Variants in PTPRA observed in about 807,000 individuals in gnomAD.
PTPRA encodes the protein receptor-type tyrosine-protein phosphatase alpha.
In PTPRA, 25 loss-of-function variants were observed where a neutral mutation model predicts 104.8. The ratio of observed to expected loss-of-function variants is 0.24; its 90% CI spans 0.17 to 0.33. The LOEUF is 0.33. PTPRA is among the 10% of genes least tolerant of loss of function. The pLI is 1.00. For synonymous variants in PTPRA, 323 were observed against 368.9 expected (o/e 0.88, Z 1.43); for missense variants, 765 against 1,015.3 (o/e 0.75, Z 3.35).
intron 2 of PTPRA, among the ~76,000 whole-genome samples, chr20:2,940,074 C>T (rs529049066): frequency 3.7e-4 from 57 of 152,310 alleles, no homozygotes; most frequent in South Asian, 6.2e-4. Context: ...CGCGCCACTG[C>T]GCTCCAGCCT....
At chr20:2,985,379 G>A (rs550832325) in intron 6 of PTPRA, among the ~76,000 whole-genome samples, 1 of 152,342 alleles carries the variant, frequency 6.6e-6, no homozygotes, top group East Asian at 1.9e-4. Flanking sequence ...ATGAGGTCAA[G>A]AAGACAAGTC....
At chr20:2,951,441 A>G (rs981314118) in intron 3 of PTPRA, among the ~76,000 whole-genome samples, 2 of 152,178 alleles carry the variant, frequency 1.3e-5, no homozygotes, top group Non-Finnish European at 2.9e-5. Flanking sequence ...GCCAATTCCT[A>G]GAGACAGTGA....
chr20:3,017,898 G>A lies in PTPRA; in HGVS notation c.1026G>A (p.Leu342=). The change falls in exon 13 of 24, where the codon CTG becomes CTA. Residue 342 remains leucine, a synonymous_variant. Transcript: ENST00000399903. Reference sequence around the variant, plus strand: ...CCACCATCGTCATGGTTACCAACCTGAAGGAGAGAAAGGAGGTAAGTGGAA... The same window carrying A: ...CCACCATCGTCATGGTTACCAACCTAAAGGAGAGAAAGGAGGTAAGTGGAA... The part of the protein sequence containing the change: ...NTATIVMVTN[L]KERKECKCAQ... 4.3e-6 allele frequency: 7 copies of A among 1,614,060 alleles called. No homozygotes were observed. The highest frequency in any genetic ancestry group is 5.9e-6 in the Non-Finnish European group (7 of 1,179,920).
At chr20:3,024,271 C>T (rs1568704249) in intron 16 of PTPRA, among the ~76,000 whole-genome samples, 1 of 152,172 alleles carries the variant, frequency 6.6e-6, no homozygotes, top group Admixed American at 6.5e-5. Context: ...CTGGACCCTT[C>T]TTCCCAAGTA....
intron 3 of PTPRA, among the ~76,000 whole-genome samples, chr20:2,962,908 G>A (rs6084221): frequency 1.3e-5 from 2 of 152,082 alleles, no homozygotes; most frequent in Admixed American, 1.3e-4. Flanking sequence ...TGTCCCTTAA[G>A]GATGTGTGTC....
chr20:3,036,422 TC>T (rs1383363098), intron 22 of PTPRA, among the ~76,000 whole-genome samples: 8 of 152,248 alleles, frequency 5.3e-5, no homozygotes, highest in African/African-American at 1.7e-4. Context: ...CCCAATATGT[TC>T]TGAGGGGTCC....
At chr20:2,966,605 T>G (rs1440265662) in intron 5 of PTPRA, among the ~76,000 whole-genome samples, 1 of 152,236 alleles carries the variant, frequency 6.6e-6, no homozygotes, top group Admixed American at 6.5e-5. Context: ...TTAGAGTTAA[T>G]GTAGTTTTGT....
the PTPRA span, chr20:2,866,607 TCCTC>T: frequency 6.2e-7 from 1 of 1,610,978 alleles, no homozygotes; most frequent in African/African-American, 1.3e-5. Context: ...AGCAAGGGGT[TCCTC>T]CCCTAGCACC....
Position 3,021,108 on chromosome 20 carries a change from C to T in PTPRA, c.1042-201C>T, listed in dbSNP as rs538674467. Among the ~76,000 whole-genome samples, 83 of 152,280 alleles carry T rather than the reference C, an allele frequency of 5.5e-4. 1 individual carries two copies. In the South Asian group the frequency reaches 0.017, roughly 31 times the overall value. On this transcript the variant is annotated intron_variant, in intron 13 of 23. Coordinates refer to ENST00000399903, the MANE Select transcript of PTPRA (RefSeq NM_001385305.1). ...GCTGTGTGTAAGTTAGGAGACTGTG[C>T]TCAATAGGATGGCGGCTAAGGAACT...
Position 3,022,250 on chromosome 20 carries a change from C to T in PTPRA, c.1328+30C>T, listed in dbSNP as rs527494159. ...GTGTGGCCTGACCCTTGTACCCCCA[C>T]CCCCACATTTCGCCCCCATGGCCAG... is the stretch of plus-strand genomic sequence containing the variant. On this transcript the variant is annotated intron_variant, in intron 15 of 23. Transcript: ENST00000399903. The surrounding 1 kb of genome is among the most constrained non-coding windows in gnomAD (Gnocchi z 4.6). The T allele has an allele frequency of 3.7e-6, 6 of 1,609,820 alleles. No individual in the cohort carries two copies. The African/African-American group carries it at 5.3e-5, about 14-fold the overall frequency.
At chr20:2,874,239 C>T (rs2089559386) in intron 1 of PTPRA, among the ~76,000 whole-genome samples, 1 of 152,116 alleles carries the variant, frequency 6.6e-6, no homozygotes, top group South Asian at 2.1e-4. Context: ...CCTCTCCCAA[C>T]TGTTGAGGCT....
At chr20:2,865,174 A>C in the PTPRA span, 1 of 1,614,142 alleles carries the variant, frequency 6.2e-7, no homozygotes, top group Non-Finnish European at 8.5e-7. This position sits in a 1 kb window ranked among gnomAD's most constrained non-coding sequence, Gnocchi z 5.2. Context: ...TGCGGCTCCT[A>C]CGGCTGCAGC....
At chr20:2,924,971 G>GC (rs1182875090) in intron 2 of PTPRA, among the ~76,000 whole-genome samples, 2 of 152,164 alleles carry the variant, frequency 1.3e-5, no homozygotes, top group East Asian at 3.9e-4. Flanking sequence ...GAGCCACCGC[G>GC]CCCGGCCTGA....
chr20:2,988,531 G>T, intron 9 of PTPRA, 57 bp downstream of exon 9: 1 of 1,578,444 alleles, frequency 6.3e-7, no homozygotes, highest in South Asian at 1.2e-5. Flanking sequence ...CCTAAAGTCA[G>T]ACCTTTCAGA....
At chr20:2,979,652 G>A (rs549350198) in intron 6 of PTPRA, among the ~76,000 whole-genome samples, 11 of 152,198 alleles carry the variant, frequency 7.2e-5, no homozygotes, top group South Asian at 4.2e-4. Context: ...TCAGCCTCCC[G>A]GGTAGCTGGG....
In PTPRA at chr20:2,909,925, G is replaced by A. The variant is rs1162357461; in HGVS notation, c.-128-13282G>A. Among the ~76,000 whole-genome samples, 27 of 121,470 alleles carry A rather than the reference G, an allele frequency of 2.2e-4. 1 individual carries two copies. The highest frequency in any genetic ancestry group is 1.3e-3 in the Admixed American group (14 of 10,832). The allele number at this position is 121,470 out of a possible 152,430, so 79.7% of individuals were successfully genotyped here. A position where few individuals can be genotyped will look rare whatever the true frequency, so the allele number is the denominator to read the frequency against. ...ATATGACATATATATGTTATATATTGTTATATATAATATGTGTAATTATAT... is the reference window on the plus strand; with the variant it reads ...ATATGACATATATATGTTATATATTATTATATATAATATGTGTAATTATAT... On this transcript the variant is annotated intron_variant, in intron 1 of 23. Transcript: ENST00000399903.
intron 10 of PTPRA, among the ~76,000 whole-genome samples, chr20:3,006,369 G>C (rs1398929115): frequency 6.7e-6 from 1 of 149,818 alleles, no homozygotes; most frequent in East Asian, 2.0e-4. Flanking sequence ...TTTAGACACA[G>C]GGTCTTGCTG....
chr20:2,874,479 A>G (rs2089584895), intron 1 of PTPRA, among the ~76,000 whole-genome samples: 1 of 152,102 alleles, frequency 6.6e-6, no homozygotes, highest in South Asian at 2.1e-4. Context: ...AAGACAGGAA[A>G]AGAAGAATGT....
At chr20:2,996,180 G>T (rs1340734951) in intron 9 of PTPRA, among the ~76,000 whole-genome samples, 1 of 152,190 alleles carries the variant, frequency 6.6e-6, no homozygotes, top group African/African-American at 2.4e-5. Flanking sequence ...CTATTGATTT[G>T]GGAAGACACT....
Sources: allele counts gnomAD v4.1 joint callset (sites outside exome capture counted in the v4.1 genomes callset), GRCh38; gene constraint gnomAD v4.1.1; non-coding constraint Gnocchi (gnomAD v3.1); transcripts MANE v1.5; gene names NCBI Gene and HGNC (gene_info 2026-07-23, HGNC 2026-07-21).